MIPOL1: variants seen among roughly 807,000 people sequenced by gnomAD.
MIPOL1 encodes the protein mirror-image polydactyly gene 1 protein.
A neutral mutation model predicts 60.9 loss-of-function variants in MIPOL1; 57 were observed. The observed-to-expected ratio is 0.94, with a 90% confidence interval of 0.76 to 1.17. MIPOL1 has a LOEUF of 1.17. Among genes scored for constraint, MIPOL1 ranks in the 50% most tolerant of loss-of-function variants. The pLI, the probability that MIPOL1 is intolerant of heterozygous loss-of-function variation, is 0.00. For synonymous variants in MIPOL1, 179 were observed against 168.8 expected, an observed-to-expected ratio of 1.06 and a Z score of -0.47; for missense variants, 551 against 511.6, an observed-to-expected ratio of 1.08 and a Z score of -0.74.
intron 10 of MIPOL1, among the ~76,000 whole-genome samples, chr14:37,377,642 G>A (rs2092811853): frequency 6.6e-6 from 1 of 151,706 alleles, no homozygotes; most frequent in African/African-American, 2.4e-5. Context: ...GGCTAAGACA[G>A]TTGATATAAT....
At chr14:37,413,636 G>C (rs2093715326) in intron 10 of MIPOL1, among the ~76,000 whole-genome samples, 1 of 152,134 alleles carries the variant, frequency 6.6e-6, no homozygotes, top group Admixed American at 6.5e-5. Context: ...CACAGGTTCT[G>C]GGGAATAGGA....
At chr14:37,356,001 A>G (rs1476145880) in intron 9 of MIPOL1, among the ~76,000 whole-genome samples, 1 of 143,042 alleles carries the variant, frequency 7.0e-6, no homozygotes, top group Non-Finnish European at 1.5e-5. Context: ...TAGAGTTTCC[A>G]GTTTTTCTGT....
At chr14:37,274,069 A>G (rs1231761177) in intron 6 of MIPOL1, among the ~76,000 whole-genome samples, 1 of 151,478 alleles carries the variant, frequency 6.6e-6, no homozygotes, top group Non-Finnish European at 1.5e-5. Flanking sequence ...CAAGCAAAAG[A>G]AGAAACAAAG....
chr14:37,414,352 A>T (rs1219911402), intron 10 of MIPOL1, among the ~76,000 whole-genome samples: 3 of 152,184 alleles, frequency 2.0e-5, no homozygotes, highest in Non-Finnish European at 4.4e-5. Context: ...TCCTACTATT[A>T]TTAGTCATTG....
At chr14:37,208,508 A>G (rs1461630908) in intron 1 of MIPOL1, among the ~76,000 whole-genome samples, 1 of 152,214 alleles carries the variant, frequency 6.6e-6, no homozygotes, top group African/African-American at 2.4e-5. Context: ...ATAGCAAGTA[A>G]TACATGAAAA....
intron 11 of MIPOL1, among the ~76,000 whole-genome samples, chr14:37,467,213 AG>A (rs1418264142): frequency 4.6e-5 from 7 of 152,234 alleles, no homozygotes; most frequent in African/African-American, 7.2e-5. Context: ...GCAATCTGAT[AG>A]TACCTTGAGT....
At chr14:37,213,070 G>C (rs1258945842) in intron 1 of MIPOL1, among the ~76,000 whole-genome samples, 1 of 152,158 alleles carries the variant, frequency 6.6e-6, no homozygotes, top group Admixed American at 6.5e-5. Context: ...AGTCCTTTCA[G>C]ATGTCTGGAA....
intron 7 of MIPOL1, among the ~76,000 whole-genome samples, chr14:37,296,847 T>A (rs1290344884): frequency 6.6e-6 from 1 of 152,124 alleles, no homozygotes; most frequent in African/African-American, 2.4e-5. Flanking sequence ...CAGGACCAGA[T>A]GGATTCACAG....
intron 9 of MIPOL1, among the ~76,000 whole-genome samples, chr14:37,345,437 A>T (rs533660886): frequency 2.2e-4 from 33 of 152,226 alleles, no homozygotes; most frequent in South Asian, 6.2e-4. Flanking sequence ...GTCATTATAC[A>T]CTCAATAATT....
chr14:37,243,105 A>G (rs1972612095), intron 1 of MIPOL1, among the ~76,000 whole-genome samples: 1 of 152,236 alleles, frequency 6.6e-6, no homozygotes, highest in African/African-American at 2.4e-5. Flanking sequence ...TTTGTACATA[A>G]AAATATCTTA....
At chr14:37,498,826 G>A (rs776520123) in intron 11 of MIPOL1, among the ~76,000 whole-genome samples, 3 of 151,940 alleles carry the variant, frequency 2.0e-5, no homozygotes, top group Admixed American at 6.6e-5. Context: ...ATACTGTAAA[G>A]GCTTATAGAT....
intron 10 of MIPOL1, among the ~76,000 whole-genome samples, chr14:37,415,655 A>AT (rs1044868280): frequency 1.3e-5 from 2 of 151,484 alleles, no homozygotes; most frequent in South Asian, 2.1e-4. Context: ...ATTAGCACAG[A>AT]TTTTTTAAAG....
chr14:37,406,129 C>A (rs1184643140), intron 10 of MIPOL1, among the ~76,000 whole-genome samples: 1 of 151,980 alleles, frequency 6.6e-6, no homozygotes, highest in Non-Finnish European at 1.5e-5. Flanking sequence ...ATTTGAGTAT[C>A]CAGCAAGTCC....
chr14:37,299,331 C>G (rs1277082043), intron 7 of MIPOL1, among the ~76,000 whole-genome samples: 1 of 151,870 alleles, frequency 6.6e-6, no homozygotes. Flanking sequence ...GGAGATATAC[C>G]TAATGCTAAA....
chr14:37,291,043 T>A (rs759186470), intron 7 of MIPOL1, among the ~76,000 whole-genome samples: 1 of 152,194 alleles, frequency 6.6e-6, no homozygotes, highest in African/African-American at 2.4e-5. Context: ...GGAAATGATC[T>A]TGTGCTTTTT....
At chr14:37,480,984 T>C (rs1422904152) in intron 11 of MIPOL1, among the ~76,000 whole-genome samples, 1 of 151,848 alleles carries the variant, frequency 6.6e-6, no homozygotes, top group Admixed American at 6.6e-5. Flanking sequence ...ATTTAAAAAT[T>C]TAAAAAAATA....
Position 37,343,316 on chromosome 14 carries a change from A to G in MIPOL1, c.829-26201A>G, listed in dbSNP as rs1001028602. Among the ~76,000 whole-genome samples the G allele has an allele frequency of 3.9e-5, 6 of 152,270 alleles. 1 individual carries two copies. Among genetic ancestry groups the G allele is most frequent in the Middle Eastern group, 6.8e-3 (2 of 294 alleles). ...TTAAAAAAACTCTTTATTCCAAGTT[A>G]TTGTAATGTGGAAAAAGCATTGTAA... On this transcript the variant is annotated intron_variant, in intron 9 of 12. Coordinates refer to ENST00000684589, the MANE Select transcript of MIPOL1 (RefSeq NM_001388067.1).
chr14:37,201,346 ACTTT>A (rs1157101683), intron 1 of MIPOL1, among the ~76,000 whole-genome samples: 2 of 152,100 alleles, frequency 1.3e-5, no homozygotes, highest in Non-Finnish European at 2.9e-5. Flanking sequence ...TACTTCTCCC[ACTTT>A]CTTCTCACCC....
chr14:37,212,909 A>T (rs1222104558), intron 1 of MIPOL1, among the ~76,000 whole-genome samples: 1 of 152,176 alleles, frequency 6.6e-6, no homozygotes, highest in African/African-American at 2.4e-5. Flanking sequence ...AAAGTAAGGG[A>T]AGAGAATAAG....
Sources: allele counts gnomAD v4.1 joint callset (sites outside exome capture counted in the v4.1 genomes callset), GRCh38; gene constraint gnomAD v4.1.1; transcripts MANE v1.5; gene names NCBI Gene and HGNC (gene_info 2026-07-23, HGNC 2026-07-21).